Variants in PLEKHH2 observed in about 807,000 individuals in gnomAD.
PLEKHH2 encodes the protein pleckstrin homology, MyTH4 and FERM domain containing H2, also known as pleckstrin homology domain-containing family H member 2.
In PLEKHH2, 129 loss-of-function variants were observed where a neutral mutation model predicts 187.9. The ratio of observed to expected loss-of-function variants is 0.69; its 90% CI spans 0.59 to 0.79. The LOEUF is 0.79. Among genes scored for constraint, PLEKHH2 ranks in the 30% least tolerant of loss-of-function variants. The pLI, the probability that PLEKHH2 is intolerant of heterozygous loss-of-function variation, is 0.00. For missense variants in PLEKHH2, 2,076 were observed against 1,751.2 expected (o/e 1.19, Z -3.31); for synonymous variants, 686 against 605.6 (o/e 1.13, Z -1.95).
At chr2:43,644,557 G>A in intron 1 of PLEKHH2, 114 bp from the exon 2 acceptor site, 2 of 805,938 alleles carry the variant, frequency 2.5e-6, no homozygotes, top group Non-Finnish European at 3.6e-6. Context: ...TCACTAGACA[G>A]TGATTATAAT....
At chr2:43,712,046 C>G (rs1470078400) in intron 14 of PLEKHH2, 179 bp from the exon 15 acceptor site, 2 of 1,275,964 alleles carry the variant, frequency 1.6e-6, no homozygotes, top group Non-Finnish European at 2.0e-6. Flanking sequence ...TGCTGTAATT[C>G]TCACAAAGTG....
chr2:43,752,244 T>C (rs1672039148), intron 24 of PLEKHH2, among the ~76,000 whole-genome samples: 1 of 152,220 alleles, frequency 6.6e-6, no homozygotes, highest in Non-Finnish European at 1.5e-5. Context: ...GCTGATATCA[T>C]TTTGGATTTG....
At chr2:43,725,430 C>G (rs912329182) in intron 16 of PLEKHH2, among the ~76,000 whole-genome samples, 7 of 152,184 alleles carry the variant, frequency 4.6e-5, no homozygotes, top group Non-Finnish European at 7.3e-5. Flanking sequence ...GACCTTCCCC[C>G]CTCCTTCTGT....
intron 15 of PLEKHH2, among the ~76,000 whole-genome samples, chr2:43,717,759 G>A (rs1462002135): frequency 6.6e-6 from 1 of 152,222 alleles, no homozygotes; most frequent in Non-Finnish European, 1.5e-5. Context: ...GTTACTTACA[G>A]GCTCTGTGCC....
At chr2:43,747,024 G>A (rs1436753510) in intron 24 of PLEKHH2, among the ~76,000 whole-genome samples, 1 of 150,576 alleles carries the variant, frequency 6.6e-6, no homozygotes, top group Non-Finnish European at 1.5e-5. Context: ...TCTTTTGGAA[G>A]TCATATATTC....
chr2:43,721,167 C>T (rs1670459804), intron 16 of PLEKHH2, among the ~76,000 whole-genome samples: 3 of 152,204 alleles, frequency 2.0e-5, no homozygotes, highest in Admixed American at 6.5e-5. Flanking sequence ...ATCTACCCAT[C>T]CATCTGCCTG....
chr2:43,642,392 C>A (rs1231719550), intron 1 of PLEKHH2, among the ~76,000 whole-genome samples: 1 of 152,148 alleles, frequency 6.6e-6, no homozygotes, highest in East Asian at 1.9e-4. Flanking sequence ...TTTCTATGCA[C>A]ATGATCATGT....
Position 43,765,667 on chromosome 2 carries a change from G to T in PLEKHH2, c.*69G>T. 2.0e-6 allele frequency: 3 copies of T among 1,480,686 alleles called. No homozygotes were observed. Among genetic ancestry groups the T allele is most frequent in the South Asian group, 1.3e-5 (1 of 74,306 alleles). 91.7% of individuals were successfully genotyped at this position (1,480,686 alleles called of 1,614,324 possible). ...GGCTGTATCAGCTCCCTACAAGTTC[G>T]TTTACACCTGGCAGCACGGCAGCCA... is the stretch of plus-strand genomic sequence containing the variant. On this transcript the variant is annotated 3_prime_UTR_variant, in exon 30 of 30. Coordinates refer to ENST00000282406, the MANE Select transcript of PLEKHH2 (RefSeq NM_172069.4).
intron 2 of PLEKHH2, among the ~76,000 whole-genome samples, chr2:43,652,156 A>G (rs1179707429): frequency 1.3e-5 from 2 of 152,198 alleles, no homozygotes; most frequent in Non-Finnish European, 1.5e-5. Context: ...TCAATTTTGT[A>G]AGAGAATAAC....
At chr2:43,759,098 G>A (rs1486470715) in intron 27 of PLEKHH2, 69 bp downstream of exon 27, 23 of 1,502,770 alleles carry the variant, frequency 1.5e-5, no homozygotes, top group Non-Finnish European at 1.8e-5. Flanking sequence ...ATTTACCCCA[G>A]ACTTAGTATC....
At chr2:43,662,378 T>C (rs372640919) in intron 2 of PLEKHH2, among the ~76,000 whole-genome samples, 2 of 4,866 alleles carry the variant, frequency 4.1e-4, no homozygotes, top group Non-Finnish European at 8.0e-4. Flanking sequence ...TGGGCTGAGA[T>C]GATGGGGTTT....
At chr2:43,722,157 A>G (rs996265255) in intron 16 of PLEKHH2, among the ~76,000 whole-genome samples, 1 of 151,186 alleles carries the variant, frequency 6.6e-6, no homozygotes, top group Non-Finnish European at 1.5e-5. Context: ...TTGGGAGGCT[A>G]AGGCAGGAGG....
intron 2 of PLEKHH2, among the ~76,000 whole-genome samples, chr2:43,669,562 A>G (rs1161436491): frequency 1.3e-5 from 2 of 152,268 alleles, no homozygotes; most frequent in Non-Finnish European, 2.9e-5. Context: ...TAATTAGAAA[A>G]AAATCAGAAA....
At chr2:43,639,641 G>C (rs951053717) in intron 1 of PLEKHH2, among the ~76,000 whole-genome samples, 2 of 146,564 alleles carry the variant, frequency 1.4e-5, no homozygotes, top group Non-Finnish European at 3.0e-5. Flanking sequence ...CCATTGTATG[G>C]ATGTACCACT....
rs770503132 is a variant in PLEKHH2, at chr2:43,742,842, C to G, written c.3323C>G (p.Ser1108Ter). ...AGACCCTCAAGGATGGAAATTCTTTCAACTCTTCTCCGAAACCCTTATCAC... is the reference window on the plus strand; with the variant it reads ...AGACCCTCAAGGATGGAAATTCTTTGAACTCTTCTCCGAAACCCTTATCAC... ...EARPSRMEIL[S>*]TLLRNPYHHS... The change falls in exon 22 of 30, where the codon TCA (serine) becomes TGA (stop). Residue 1108 changes from serine (S) to a stop codon, truncating the protein, a stop_gained. Transcript: ENST00000282406. LOFTEE classifies it high-confidence loss of function. 1 of 1,609,804 alleles carries G rather than the reference C, an allele frequency of 6.2e-7. No homozygotes were observed. Among genetic ancestry groups the G allele is most frequent in the South Asian group, 1.1e-5 (1 of 90,134 alleles).
At chr2:43,676,036 TCA>T (rs1272086402) in intron 2 of PLEKHH2, 20 of 1,613,938 alleles carry the variant, frequency 1.2e-5, no homozygotes, top group Non-Finnish European at 1.7e-5. Context: ...CTCTGCTTTG[TCA>T]CAGTGTTTGG....
chr2:43,728,430 A>G (rs113621585), intron 17 of PLEKHH2, among the ~76,000 whole-genome samples: 1 of 146,502 alleles, frequency 6.8e-6, no homozygotes, highest in African/African-American at 2.5e-5. Flanking sequence ...GTGAATCGAG[A>G]TCGCGCCATT....
chr2:43,706,495 T>C (rs771494674), intron 10 of PLEKHH2, 79 bp downstream of exon 10: 2 of 1,046,586 alleles, frequency 1.9e-6, no homozygotes, highest in Non-Finnish European at 2.9e-6. Flanking sequence ...AAGCTCCAGA[T>C]TCCATTCTTA....
intron 20 of PLEKHH2, among the ~76,000 whole-genome samples, chr2:43,739,861 C>T (rs1031405876): frequency 1.3e-5 from 2 of 152,200 alleles, no homozygotes; most frequent in Non-Finnish European, 2.9e-5. Context: ...CTTTATAGTC[C>T]AGCCTAAGCA....
Sources: gnomAD v4.1 joint callset for allele counts (sites outside exome capture counted in the v4.1 genomes callset) on GRCh38, gnomAD v4.1.1 for gene constraint, MANE v1.5 for transcripts, NCBI Gene and HGNC (gene_info 2026-07-23, HGNC 2026-07-21) for gene names.